CER1: variants seen among roughly 807,000 people sequenced by gnomAD.
CER1 encodes the protein cerberus.
CER1 carries 10 observed loss-of-function variants against 11.8 expected under a neutral mutation model. The observed-to-expected ratio is 0.85, with a 90% CI of 0.52 to 1.44. The LOEUF is 1.44. Ranked by LOEUF, CER1 falls within the 40% of genes most tolerant of loss-of-function variation. The pLI is 0.00. For synonymous variants in CER1, 141 were observed against 122.3 expected, an observed-to-expected ratio of 1.15 and a Z score of -1.01; for missense variants, 431 against 327.0, an observed-to-expected ratio of 1.32 and a Z score of -2.45.
Position 14,720,122 on chromosome 9 carries a change from G to A in CER1, c.772C>T (p.Gln258Ter). ...GAAACTCCTGGGATAAAGGAATCCT[G>A]GGAGCCAGCATGTAGGATGTGTCCA... ...EDGHILHAGS[Q>*]DSFIPGVSA Residue 258 changes from glutamine to a stop codon, truncating the protein, a stop_gained, in exon 2 of 2, where the codon CAG (glutamine) becomes TAG (stop). Coordinates refer to ENST00000380911, the MANE Select transcript of CER1 (RefSeq NM_005454.3). LOFTEE classifies it high-confidence loss of function. The A allele has an allele frequency of 2.5e-6, 4 of 1,613,902 alleles. No individual in the cohort carries two copies. Among genetic ancestry groups the A allele is most frequent in the Non-Finnish European group, 3.4e-6 (4 of 1,179,854 alleles).
chr9:14,721,481 T>C (rs1433107687), intron 1 of CER1, among the ~76,000 whole-genome samples: 1 of 152,160 alleles, frequency 6.6e-6, no homozygotes, highest in African/African-American at 2.4e-5. Context: ...TCAAGATTGA[T>C]TTTTTAAAAA....
chr9:14,717,961 T>A (rs1445569975), downstream of CER1, among the ~76,000 whole-genome samples: 2 of 152,238 alleles, frequency 1.3e-5, no homozygotes, highest in Non-Finnish European at 2.9e-5. Context: ...TATCTGGCAC[T>A]TAATAAATGT....
chr9:14,718,654 T>C (rs1839966143), downstream of CER1, among the ~76,000 whole-genome samples: 1 of 152,242 alleles, frequency 6.6e-6, no homozygotes. Context: ...TGTGTATGTG[T>C]GTGCACTAAA....
At chr9:14,718,805 A>C (rs1430112243), downstream of CER1, among the ~76,000 whole-genome samples, 1 of 152,198 alleles carries the variant, frequency 6.6e-6, no homozygotes, top group East Asian at 1.9e-4. Flanking sequence ...GAGGTGATTG[A>C]GAGACTTAAA....
At chr9:14,721,597 G>A (rs1039236809) in intron 1 of CER1, among the ~76,000 whole-genome samples, 8 of 152,126 alleles carry the variant, frequency 5.3e-5, no homozygotes, top group Non-Finnish European at 4.4e-5. Context: ...TTGAGGTTGT[G>A]GGATAGCTTT....
At chr9:14,721,671 A>C (rs975070554) in intron 1 of CER1, among the ~76,000 whole-genome samples, 2 of 152,172 alleles carry the variant, frequency 1.3e-5, no homozygotes, top group Non-Finnish European at 2.9e-5. Flanking sequence ...TATGGGGATT[A>C]AGACCATCGT....
chr9:14,720,153 A>C lies in CER1; in HGVS notation c.741T>G (p.His247Gln). 1 of 1,614,154 alleles carries C rather than the reference A, an allele frequency of 6.2e-7. No homozygotes were observed. The highest frequency in any genetic ancestry group is 8.5e-7 in the Non-Finnish European group (1 of 1,180,032). ...CAGCATGTAGGATGTGTCCATCTTC[A>C]TGCTCCGTCTTCACCTTGCACTGGC... ...EECQCKVKTE[H>Q]EDGHILHAGS... The change falls in exon 2 of 2, where the codon CAT becomes CAG. Residue 247 changes from histidine (H) to glutamine (Q), a missense_variant. His to Gln is a conservative substitution (Grantham distance 24, BLOSUM62 0). Transcript: ENST00000380911.
chr9:14,722,033 T>G lies in CER1; in HGVS notation c.507+133A>C, dbSNP rs574905096. ...ACTTAATCTTTGCCAAATCCTATGA[T>G]GAATGCCCAAGGACCAAATCTGTAG... On this transcript the variant is annotated intron_variant, in intron 1 of 1. Transcript: ENST00000380911. The G allele has an allele frequency of 1.3e-5, 14 of 1,039,350 alleles. No individual in the cohort carries two copies. In the South Asian group the frequency reaches 2.3e-4, roughly 17 times the overall value. The allele number at this position is 1,039,350 out of a possible 1,614,324, so 64.4% of individuals were successfully genotyped here.
chr9:14,718,202 G>A (rs1839960364), downstream of CER1, among the ~76,000 whole-genome samples: 1 of 152,146 alleles, frequency 6.6e-6, no homozygotes, highest in African/African-American at 2.4e-5. Context: ...ATTGTTTGGG[G>A]TTTGGGCTTG....
chr9:14,722,293 C>T lies in CER1; in HGVS notation c.380G>A (p.Arg127Gln), dbSNP rs368117006. 1.4e-5 allele frequency: 22 copies of T among 1,614,092 alleles called. No individual in the cohort carries two copies. The highest frequency in any genetic ancestry group is 4.5e-5 in the East Asian group (2 of 44,892). ...GTGCCAGAATTTCTTGGCTTCTTCCCGAAGAGGAGATTTCTCCATTTTCAT... is the reference window on the plus strand; with the variant it reads ...GTGCCAGAATTTCTTGGCTTCTTCCTGAAGAGGAGATTTCTCCATTTTCAT... ...DGMKMEKSPL[R>Q]EEAKKFWHHF... Residue 127 changes from arginine (R) to glutamine (Q), a missense_variant, in exon 1 of 2, where the codon CGG becomes CAG. By Grantham distance (43) the Arg-to-Gln change is conservative (BLOSUM62 1). Coordinates refer to ENST00000380911, the MANE Select transcript of CER1 (RefSeq NM_005454.3).
rs753970206 is a variant in CER1, at chr9:14,722,151, C to T, written c.507+15G>A. ...ACCTGCAAACTCTTACCTGCTCTCCCCCCAGAACACATACCTGGCTGAAGG... is the reference window on the plus strand; with the variant it reads ...ACCTGCAAACTCTTACCTGCTCTCCTCCCAGAACACATACCTGGCTGAAGG... On this transcript the variant is annotated intron_variant, in intron 1 of 1. Transcript: ENST00000380911. 6.2e-7 allele frequency: 1 copy of T among 1,607,080 alleles called. No homozygotes were observed. The highest frequency in any genetic ancestry group is 1.3e-5 in the African/African-American group (1 of 74,752).
intron 1 of CER1, among the ~76,000 whole-genome samples, chr9:14,720,705 T>A (rs1346497082): frequency 6.6e-6 from 1 of 152,224 alleles, no homozygotes; most frequent in African/African-American, 2.4e-5. Flanking sequence ...AAAATTCTAA[T>A]GGTAATTATC....
downstream of CER1, among the ~76,000 whole-genome samples, chr9:14,717,943 C>CA (rs1839958257): frequency 2.0e-5 from 3 of 152,294 alleles, no homozygotes; most frequent in East Asian, 5.8e-4. Context: ...TTGTAAAAGA[C>CA]AGCACAGTAT....
In CER1 at chr9:14,720,346, T is replaced by C; in HGVS notation, c.548A>G (p.Asn183Ser). 1.2e-6 allele frequency: 2 copies of C among 1,613,440 alleles called. No individual in the cohort carries two copies. The highest frequency in any genetic ancestry group is 1.7e-6 in the Non-Finnish European group (2 of 1,179,734). Residue 183 changes from asparagine (N) to serine (S), a missense_variant, in exon 2 of 2, where the codon AAC (asparagine) becomes AGC (serine). Asn to Ser is a conservative substitution (Grantham distance 46, BLOSUM62 1). Coordinates refer to ENST00000380911, the MANE Select transcript of CER1 (RefSeq NM_005454.3). ...HEGCEKVVVQ[N>S]NLCFGKCGSV... ...CCCGCATTTCCCAAAGCAAAGGTTG[T>C]TCTGAACAACTACTTTTTCACAGCC...
rs1839991389 is a variant in CER1 at position 14,720,345 on chromosome 9, G to A, written c.549C>T (p.Asn183=). 2 of 1,613,314 alleles carry A rather than the reference G, an allele frequency of 1.2e-6. No homozygotes were observed. Among genetic ancestry groups the A allele is most frequent in the African/African-American group, 1.3e-5 (1 of 74,910 alleles). Residue 183 remains asparagine, a synonymous_variant, in exon 2 of 2, where the codon AAC becomes AAT. Coordinates refer to ENST00000380911, the MANE Select transcript of CER1 (RefSeq NM_005454.3). ...ACCCGCATTTCCCAAAGCAAAGGTT[G>A]TTCTGAACAACTACTTTTTCACAGC... is the stretch of plus-strand genomic sequence containing the variant. The part of the protein sequence containing the change: ...HEGCEKVVVQ[N]NLCFGKCGSV...
chr9:14,718,280 T>C (rs1226225953), downstream of CER1, among the ~76,000 whole-genome samples: 1 of 152,198 alleles, frequency 6.6e-6, no homozygotes, highest in Non-Finnish European at 1.5e-5. Context: ...ACAGTCCAAT[T>C]GGCAGAGATA....
chr9:14,718,547 G>T (rs1254406671), downstream of CER1, among the ~76,000 whole-genome samples: 12 of 152,006 alleles, frequency 7.9e-5, no homozygotes. Flanking sequence ...AAATGCCTTT[G>T]CTTCTTTGGA....
chr9:14,717,702 A>G (rs1411906405), downstream of CER1, among the ~76,000 whole-genome samples: 1 of 152,220 alleles, frequency 6.6e-6, no homozygotes, highest in Non-Finnish European at 1.5e-5. Context: ...TAGGAGAGCT[A>G]GGTAAGTGGT....
intron 1 of CER1, among the ~76,000 whole-genome samples, chr9:14,720,735 T>C (rs1448125253): frequency 2.0e-5 from 3 of 152,232 alleles, no homozygotes; most frequent in Non-Finnish European, 2.9e-5. Flanking sequence ...TAATGTGCCT[T>C]ACTTTTTTAT....
Sources: gnomAD v4.1 joint callset for allele counts (sites outside exome capture counted in the v4.1 genomes callset) on GRCh38, gnomAD v4.1.1 for gene constraint, MANE v1.5 for transcripts, NCBI Gene and HGNC (gene_info 2026-07-23, HGNC 2026-07-21) for gene names.